Variants in CTCF observed in about 807,000 individuals in gnomAD.
The protein encoded by CTCF is CCCTC-binding factor, also known as transcriptional repressor CTCF.
CTCF carries 7 observed loss-of-function variants against 72.3 expected under a neutral mutation model. That is an observed-to-expected ratio of 0.10 (90% confidence interval 0.06 to 0.18). CTCF has a LOEUF of 0.18. CTCF is among the 10% of genes least tolerant of loss of function. The probability of loss-of-function intolerance (pLI) is 1.00; values close to 1 mark genes in which losing one functional copy is unlikely to be tolerated. For missense variants in CTCF, 516 were observed against 949.1 expected (o/e 0.54, Z 6.00); for synonymous variants, 374 against 315.8 (o/e 1.18, Z -1.95).
chr16:67,611,295 T>C lies in CTCF; in HGVS notation c.463T>C (p.Cys155Arg). ...EGLAESEPMI[C>R]HTLPLPEGFQ... ...CCTTGCGGAAAGTGAACCCATGATA[T>C]GCCACACCCTACCTTTGCCTGAAGG... The change falls in exon 3 of 12, where the codon TGC (cysteine) becomes CGC (arginine). Residue 155 changes from cysteine (C) to arginine (R), a missense_variant. This residue lies in a region of CTCF where 148 missense variants were observed against 194.9 expected (regional missense o/e 0.76). Transcript: ENST00000264010. The C allele has an allele frequency of 6.2e-7, 1 of 1,614,076 alleles. No homozygotes were observed. The highest frequency in any genetic ancestry group is 8.5e-7 in the Non-Finnish European group (1 of 1,180,008).
Position 67,626,067 on chromosome 16 carries a change from A to G in CTCF, c.1358-488A>G, listed in dbSNP as rs566323835. On this transcript the variant is annotated intron_variant, in intron 7 of 11. Transcript: ENST00000264010. ...TTCTCCCACCTATCCTGTTTGAACA[A>G]TCTTAATTGTTCTCCCTGCACCTGT... 4.6e-5 allele frequency among the ~76,000 whole-genome samples: 7 copies of G among 152,028 alleles called. No individual in the cohort carries two copies. In the East Asian group the frequency reaches 7.7e-4, roughly 17 times the overall value.
intron 2 of CTCF, among the ~76,000 whole-genome samples, chr16:67,605,536 C>T (rs567927270): frequency 7.2e-5 from 11 of 152,228 alleles, no homozygotes; most frequent in African/African-American, 1.4e-4. Context: ...CCAACAACCT[C>T]GGGAGTTTAC....
chr16:67,587,530 G>GT (rs78569944), intron 2 of CTCF, among the ~76,000 whole-genome samples: 6,657 of 144,108 alleles, frequency 0.046, 468 homozygotes, highest in African/African-American at 0.15. Flanking sequence ...TTTCTGCAGG[G>GT]TTTTTTTTTT....
At chr16:67,571,814 T>C (rs2051424924) in intron 2 of CTCF, among the ~76,000 whole-genome samples, 1 of 152,282 alleles carries the variant, frequency 6.6e-6, no homozygotes, top group East Asian at 1.9e-4. Context: ...AGTGTGACAG[T>C]GATTATCATT....
intron 10 of CTCF, 135 bp from the exon 11 acceptor site, chr16:67,636,555 A>G (rs1004243669): frequency 7.3e-5 from 21 of 288,946 alleles, no homozygotes; most frequent in Admixed American, 7.2e-4. Context: ...CAAAAAAAAA[A>G]AAAGAAAGAA....
chr16:67,610,391 C>T (rs1477451239), intron 2 of CTCF, among the ~76,000 whole-genome samples: 7 of 130,256 alleles, frequency 5.4e-5, no homozygotes, highest in Admixed American at 2.7e-4. Context: ...CTTGCTCTGT[C>T]CCCCACGCTG....
chr16:67,611,453 C>A lies in CTCF; in HGVS notation c.621C>A (p.Thr207=). Residue 207 remains threonine, a synonymous_variant, in exon 3 of 12, where the codon ACC becomes ACA. Coordinates refer to ENST00000264010, the MANE Select transcript of CTCF (RefSeq NM_006565.4). ...CACCAGCCAAAAAAACAAAGAAAAC[C>A]AAAAAGAGCAAACTGCGTTATACAG... The part of the protein sequence containing the change: ...YQPPAKKTKK[T]KKSKLRYTEE... The A allele has an allele frequency of 1.2e-6, 2 of 1,614,038 alleles. No individual in the cohort carries two copies. Among genetic ancestry groups the A allele is most frequent in the Non-Finnish European group, 1.7e-6 (2 of 1,179,998 alleles).
intron 2 of CTCF, among the ~76,000 whole-genome samples, chr16:67,583,517 T>G (rs780984898): frequency 6.6e-6 from 1 of 151,776 alleles, no homozygotes; most frequent in Non-Finnish European, 1.5e-5. Context: ...TGAAACCCTG[T>G]CTCTACTGAA....
chr16:67,620,095 T>C (rs1356113633), intron 5 of CTCF, among the ~76,000 whole-genome samples: 1 of 152,202 alleles, frequency 6.6e-6, no homozygotes, highest in Admixed American at 6.5e-5. Context: ...GATCTGTAAA[T>C]AGGCATGGAT....
At chr16:67,568,970 T>G (rs935870057) in intron 1 of CTCF, among the ~76,000 whole-genome samples, 2 of 151,976 alleles carry the variant, frequency 1.3e-5, no homozygotes, top group African/African-American at 4.8e-5. Flanking sequence ...CCTGAATAGC[T>G]GGGATAACTG....
At chr16:67,625,901 C>T (rs1486291724) in intron 7 of CTCF, among the ~76,000 whole-genome samples, 1 of 149,822 alleles carries the variant, frequency 6.7e-6, no homozygotes, top group Non-Finnish European at 1.5e-5. Context: ...CAACAGCTAC[C>T]TGGTTTTCCA....
chr16:67,587,108 T>G (rs2051679565), intron 2 of CTCF, among the ~76,000 whole-genome samples: 1 of 147,930 alleles, frequency 6.8e-6, no homozygotes, highest in East Asian at 1.9e-4. Context: ...ACATTTTTTT[T>G]TTTTTTTTTT....
At position 67,638,753 on chromosome 16, in the gene CTCF, T is replaced by A. The variant is rs572751968; in HGVS notation, c.*881T>A. ...AGCTGATTGTTGTGTTTTATAAATCTTCTGTTAAGGCAGAAGGGTGATTAT... is the reference window on the plus strand; with the variant it reads ...AGCTGATTGTTGTGTTTTATAAATCATCTGTTAAGGCAGAAGGGTGATTAT... On this transcript the variant is annotated 3_prime_UTR_variant, in exon 12 of 12. Coordinates refer to ENST00000264010, the MANE Select transcript of CTCF (RefSeq NM_006565.4). 100 of 220,646 alleles carry A rather than the reference T, an allele frequency of 4.5e-4. 1 individual carries two copies. The highest frequency in any genetic ancestry group is 2.1e-3 in the African/African-American group (95 of 44,684). 13.7% of individuals were successfully genotyped at this position (220,646 alleles called of 1,614,324 possible). A position where few individuals can be genotyped will look rare whatever the true frequency, so the allele number is the denominator to read the frequency against.
In CTCF at chr16:67,629,482, C is replaced by T. The variant is rs377088539; in HGVS notation, c.1786C>T (p.Arg596Cys). ...ENGGETKKSKRGRKRKMRSKK... is the reference protein window; with the variant it reads ...ENGGETKKSKCGRKRKMRSKK... ...TGGAGGAGAAACGAAGAAGAGTAAA[C>T]GTGGAAGAAAAAGAAAGATGCGCTC... The change falls in exon 10 of 12, where the codon CGT (arginine) becomes TGT (cysteine). Residue 596 changes from arginine to cysteine, a missense_variant. Arg to Cys is a radical substitution (Grantham distance 180). Transcript: ENST00000264010. The T allele has an allele frequency of 1.9e-6, 3 of 1,613,114 alleles. No homozygotes were observed. The highest frequency in any genetic ancestry group is 2.2e-5 in the East Asian group (1 of 44,852).
intron 2 of CTCF, among the ~76,000 whole-genome samples, chr16:67,584,513 A>C (rs1316340343): frequency 1.3e-5 from 2 of 151,506 alleles, no homozygotes; most frequent in Non-Finnish European, 2.9e-5. Context: ...CTTTTAGTAG[A>C]GACAGGGTTT....
intron 2 of CTCF, among the ~76,000 whole-genome samples, chr16:67,598,023 C>T (rs1355187383): frequency 1.3e-5 from 2 of 152,014 alleles, no homozygotes; most frequent in African/African-American, 4.8e-5. Flanking sequence ...ATTGCCCAGG[C>T]CAGAGTGCAG....
chr16:67,579,197 G>A (rs1241307577), intron 2 of CTCF, among the ~76,000 whole-genome samples: 1 of 151,922 alleles, frequency 6.6e-6, no homozygotes, highest in Non-Finnish European at 1.5e-5. Flanking sequence ...GGAGGTTGCA[G>A]TGAGCCGAGA....
At chr16:67,618,367 A>T (rs1190730473) in intron 5 of CTCF, among the ~76,000 whole-genome samples, 1 of 152,192 alleles carries the variant, frequency 6.6e-6, no homozygotes, top group African/African-American at 2.4e-5. Context: ...GCACCACTGC[A>T]CTCCAGCCTG....
At position 67,611,505 on chromosome 16, in the gene CTCF, G is replaced by A; in HGVS notation, c.673G>A (p.Val225Ile). ...TEEGKDVDVS[V>I]YDFEEEQQEG... Reference sequence around the variant, plus strand: ...GGAGGGCAAAGATGTAGATGTGTCTGTCTACGATTTTGAGGAAGAACAGCA... The same window carrying A: ...GGAGGGCAAAGATGTAGATGTGTCTATCTACGATTTTGAGGAAGAACAGCA... The change falls in exon 3 of 12, where the codon GTC becomes ATC. Residue 225 changes from valine (V) to isoleucine (I), a missense_variant. Val to Ile is a conservative substitution (Grantham distance 29). Coordinates refer to ENST00000264010, the MANE Select transcript of CTCF (RefSeq NM_006565.4). 2 of 1,614,196 alleles carry A rather than the reference G, an allele frequency of 1.2e-6. No individual in the cohort carries two copies. Among genetic ancestry groups the A allele is most frequent in the African/African-American group, 2.7e-5 (2 of 75,048 alleles).
Sources: allele counts gnomAD v4.1 joint callset (sites outside exome capture counted in the v4.1 genomes callset), GRCh38; gene constraint gnomAD v4.1.1; regional missense constraint gnomAD v4.1.1; transcripts MANE v1.5; gene names NCBI Gene and HGNC (gene_info 2026-07-23, HGNC 2026-07-21).